Variants in ASTN2 observed in about 807,000 individuals in gnomAD.
ASTN2 encodes the protein astrotactin 2, also known as astrotactin-2.
ASTN2 carries 54 observed loss-of-function variants against 139.8 expected under a neutral mutation model. That is an observed-to-expected ratio of 0.39 (90% CI 0.31 to 0.48). The LOEUF (loss-of-function observed/expected upper bound fraction) is 0.48, where lower values mean the gene tolerates loss of function less well. Among genes scored for constraint, ASTN2 ranks in the 20% least tolerant of loss-of-function variants. The pLI is 0.95. For synonymous variants in ASTN2, 756 were observed against 719.5 expected, an observed-to-expected ratio of 1.05 and a Z score of -0.81; for missense variants, 1,565 against 1,725.1, an observed-to-expected ratio of 0.91 and a Z score of 1.64.
intron 5 of ASTN2, among the ~76,000 whole-genome samples, chr9:117,063,944 A>T (rs746165726): frequency 3.0e-4 from 46 of 152,102 alleles, no homozygotes; most frequent in Admixed American, 3.3e-4. Flanking sequence ...AAGCTCTCCT[A>T]TCCACTGGGG....
chr9:116,558,265 T>G (rs1852734609), intron 19 of ASTN2, among the ~76,000 whole-genome samples: 1 of 152,038 alleles, frequency 6.6e-6, no homozygotes, highest in South Asian at 2.1e-4. Flanking sequence ...CAGCTTCTAC[T>G]TAGGAGGGCT....
At chr9:116,562,112 A>G (rs1309384467) in intron 19 of ASTN2, 2 of 152,246 alleles carry the variant, frequency 1.3e-5, no homozygotes, top group Non-Finnish European at 2.9e-5. Context: ...GGAGAATCCC[A>G]ACAAATTTTC....
chr9:116,897,989 G>C (rs1833918775), intron 10 of ASTN2, among the ~76,000 whole-genome samples: 1 of 152,122 alleles, frequency 6.6e-6, no homozygotes, highest in South Asian at 2.1e-4. Flanking sequence ...AGTGATTTTA[G>C]TTATAGTGAT....
chr9:116,990,501 A>G (rs1225438122), intron 7 of ASTN2, among the ~76,000 whole-genome samples: 1 of 144,830 alleles, frequency 6.9e-6, no homozygotes, highest in Non-Finnish European at 1.5e-5. Context: ...TCCTGGCCTC[A>G]AGTGATTGAT....
chr9:116,846,236 A>C (rs1368463516), intron 11 of ASTN2, among the ~76,000 whole-genome samples: 1 of 152,194 alleles, frequency 6.6e-6, no homozygotes, highest in East Asian at 1.9e-4. Flanking sequence ...ATGGGTATAG[A>C]GTTTCAGTTT....
intron 20 of ASTN2, among the ~76,000 whole-genome samples, chr9:116,455,087 G>A (rs1033252138): frequency 1.3e-5 from 2 of 151,712 alleles, no homozygotes; most frequent in South Asian, 2.1e-4. Context: ...AGTGGCTCAC[G>A]CCCATAATCC....
At chr9:116,505,645 A>C (rs1400432678) in intron 19 of ASTN2, among the ~76,000 whole-genome samples, 1 of 152,196 alleles carries the variant, frequency 6.6e-6, no homozygotes, top group Non-Finnish European at 1.5e-5. Context: ...ATTCCAAAAC[A>C]AGAAGTGGCG....
At chr9:117,042,396 T>C (rs1472500682) in intron 5 of ASTN2, among the ~76,000 whole-genome samples, 1 of 152,188 alleles carries the variant, frequency 6.6e-6, no homozygotes, top group Non-Finnish European at 1.5e-5. Context: ...ACAAGACCCT[T>C]GTCTTTTTTC....
At chr9:116,556,441 C>T (rs563671438) in intron 19 of ASTN2, among the ~76,000 whole-genome samples, 10 of 152,240 alleles carry the variant, frequency 6.6e-5, no homozygotes, top group African/African-American at 2.4e-4. Context: ...GCCTGGGCAA[C>T]ACAGCCAGAC....
chr9:117,394,566 G>A (rs1830627351), intron 1 of ASTN2, among the ~76,000 whole-genome samples: 1 of 152,196 alleles, frequency 6.6e-6, no homozygotes, highest in East Asian at 1.9e-4. Context: ...GGGAAAGCGG[G>A]AGGAGAAATA....
At chr9:117,413,950 C>T (rs1162846377) in intron 1 of ASTN2, among the ~76,000 whole-genome samples, 1 of 152,190 alleles carries the variant, frequency 6.6e-6, no homozygotes, top group African/African-American at 2.4e-5. Context: ...AGCGACTTGG[C>T]CAAGGTCACT....
intron 1 of ASTN2, among the ~76,000 whole-genome samples, chr9:117,348,444 C>A (rs1829290865): frequency 6.6e-6 from 1 of 152,032 alleles, no homozygotes; most frequent in Non-Finnish European, 1.5e-5. Context: ...CCCATGACAC[C>A]CTATATCTAC....
chr9:116,550,952 A>T (rs1310780750), intron 19 of ASTN2: 1 of 152,280 alleles, frequency 6.6e-6, no homozygotes, highest in African/African-American at 2.4e-5. Context: ...AGCCGCATGT[A>T]CTCAGGGAAA....
chr9:116,720,171 T>A (rs1828432154), intron 16 of ASTN2, among the ~76,000 whole-genome samples: 1 of 152,146 alleles, frequency 6.6e-6, no homozygotes, highest in Non-Finnish European at 1.5e-5. Context: ...AGCCAAAAAC[T>A]CCTTTAAAAA....
intron 4 of ASTN2, among the ~76,000 whole-genome samples, chr9:117,101,113 T>G (rs1332518438): frequency 6.6e-6 from 1 of 152,162 alleles, no homozygotes; most frequent in Non-Finnish European, 1.5e-5. Context: ...AATTACTTGA[T>G]GCTTGTCTGT....
chr9:117,166,530 T>C (rs1830673914), intron 3 of ASTN2, among the ~76,000 whole-genome samples: 1 of 152,144 alleles, frequency 6.6e-6, no homozygotes, highest in Non-Finnish European at 1.5e-5. Flanking sequence ...CTTGCTGCTA[T>C]CTATTCCTTT....
intron 1 of ASTN2, among the ~76,000 whole-genome samples, chr9:117,336,075 A>AG (rs1828873445): frequency 6.6e-6 from 1 of 151,452 alleles, no homozygotes; most frequent in Non-Finnish European, 1.5e-5. Flanking sequence ...AAAAAAAAAA[A>AG]AGGACCACCA....
At chr9:116,445,623 C>T (rs978239052) in intron 20 of ASTN2, among the ~76,000 whole-genome samples, 3 of 152,128 alleles carry the variant, frequency 2.0e-5, no homozygotes, top group African/African-American at 7.2e-5. Context: ...CTTAGGTATT[C>T]ATGTCATAAA....
At chr9:116,970,908 T>TA (rs1195306863) in intron 10 of ASTN2, among the ~76,000 whole-genome samples, 1 of 152,228 alleles carries the variant, frequency 6.6e-6, no homozygotes, top group Non-Finnish European at 1.5e-5. Context: ...ATTTATCTTA[T>TA]AAGAACCTGC....
Sources: allele counts gnomAD v4.1 joint callset (sites outside exome capture counted in the v4.1 genomes callset), GRCh38; gene constraint gnomAD v4.1.1; transcripts MANE v1.5; gene names NCBI Gene and HGNC (gene_info 2026-07-23, HGNC 2026-07-21).